Variants in ST6GAL1 observed in about 807,000 individuals in gnomAD.
The protein encoded by ST6GAL1 is ST6 beta-galactoside alpha-2,6-sialyltransferase 1, also known as beta-galactoside alpha-2,6-sialyltransferase 1.
A neutral mutation model predicts 38.0 loss-of-function variants in ST6GAL1; 20 were observed. The observed-to-expected ratio is 0.53, with a 90% CI of 0.37 to 0.77. ST6GAL1 has a LOEUF of 0.77. Ranked by LOEUF, ST6GAL1 falls within the 30% of genes least tolerant of loss-of-function variation. The pLI, the probability that ST6GAL1 is intolerant of heterozygous loss-of-function variation, is 0.00. For missense variants in ST6GAL1, 432 were observed against 496.4 expected (o/e 0.87, Z 1.23); for synonymous variants, 196 against 188.2 (o/e 1.04, Z -0.34).
chr3:187,030,448 T>A (rs1717705480), intron 2 of ST6GAL1, among the ~76,000 whole-genome samples: 1 of 152,150 alleles, frequency 6.6e-6, no homozygotes, highest in South Asian at 2.1e-4. Context: ...TTTATTTTAT[T>A]TTTTAGACAG....
At chr3:186,978,335 G>GC (rs1462180007) in intron 2 of ST6GAL1, among the ~76,000 whole-genome samples, 1 of 152,202 alleles carries the variant, frequency 6.6e-6, no homozygotes, top group Non-Finnish European at 1.5e-5. Flanking sequence ...GGAAGCTCCT[G>GC]CCCCTTTCAG....
intron 2 of ST6GAL1, among the ~76,000 whole-genome samples, chr3:187,028,332 T>G (rs910337965): frequency 6.6e-6 from 1 of 152,316 alleles, no homozygotes; most frequent in Admixed American, 6.5e-5. Context: ...TTGTCTATCG[T>G]GACTTTTTTC....
chr3:187,075,967 C>A lies in ST6GAL1; in HGVS notation c.*164C>A. ...CTTCAAGAGCCTGTGGTCAGGAAAT[C>A]AGGTCCAGCCTTCCCTGTAGCCAGA... On this transcript the variant is annotated 3_prime_UTR_variant, in exon 8 of 8. Coordinates refer to ENST00000169298, the MANE Select transcript of ST6GAL1 (RefSeq NM_173216.2). This position sits in a 1 kb window ranked among gnomAD's most constrained non-coding sequence, Gnocchi z 4.1. 1 of 1,055,456 alleles carries A rather than the reference C, an allele frequency of 9.5e-7. No individual in the cohort carries two copies. 65.4% of individuals were successfully genotyped at this position (1,055,456 alleles called of 1,614,324 possible). A position where few individuals can be genotyped will look rare whatever the true frequency, so the allele number is the denominator to read the frequency against.
At chr3:187,060,970 TG>T (rs1718895666) in intron 5 of ST6GAL1, among the ~76,000 whole-genome samples, 2 of 152,198 alleles carry the variant, frequency 1.3e-5, no homozygotes, top group African/African-American at 2.4e-5. Context: ...GGAAGAAGGA[TG>T]GGTACAGTAC....
At chr3:187,017,761 C>T (rs578026948) in intron 2 of ST6GAL1, among the ~76,000 whole-genome samples, 7 of 152,266 alleles carry the variant, frequency 4.6e-5, no homozygotes, top group South Asian at 4.1e-4. Context: ...ATTGATAACA[C>T]GAAAACCACG....
At chr3:187,004,207 C>T (rs1384093479) in intron 2 of ST6GAL1, among the ~76,000 whole-genome samples, 3 of 152,218 alleles carry the variant, frequency 2.0e-5, no homozygotes, top group African/African-American at 7.2e-5. Flanking sequence ...GAGGCCTCCC[C>T]GGCAAGTGAG....
In ST6GAL1 at chr3:186,995,336, G is replaced by A. The variant is rs191801646; in HGVS notation, c.-183+31410G>A. Among the ~76,000 whole-genome samples the A allele has an allele frequency of 3.2e-3, 488 of 150,522 alleles. 1 individual carries two copies. Among genetic ancestry groups the A allele is most frequent in the Admixed American group, 7.0e-3 (105 of 15,096 alleles). ...ATCCTGGCCAACATGGTGAAGCCCC[G>A]ACTCTACTAAAAATCAAAAATTAGC... On this transcript the variant is annotated intron_variant, in intron 2 of 7. Transcript: ENST00000169298.
At chr3:186,990,723 G>GAATC (rs1716136827) in intron 2 of ST6GAL1, among the ~76,000 whole-genome samples, 1 of 148,848 alleles carries the variant, frequency 6.7e-6, no homozygotes, top group African/African-American at 2.5e-5. Flanking sequence ...GAAAGCAGGA[G>GAATC]AATCGCTTGA....
At chr3:187,064,459 G>A (rs1224102785) in intron 5 of ST6GAL1, 2 of 454,620 alleles carry the variant, frequency 4.4e-6, no homozygotes, top group Non-Finnish European at 8.9e-6. Flanking sequence ...GGGAGGAAGA[G>A]TGTGCTCAGA....
At chr3:186,934,513 G>C (rs566909755) in intron 1 of ST6GAL1, among the ~76,000 whole-genome samples, 2 of 150,064 alleles carry the variant, frequency 1.3e-5, no homozygotes, top group Admixed American at 6.6e-5. Context: ...AGTGAGCCGC[G>C]ATCTCACCAC....
At chr3:187,030,272 A>G (rs1432745232) in intron 2 of ST6GAL1, among the ~76,000 whole-genome samples, 1 of 152,166 alleles carries the variant, frequency 6.6e-6, no homozygotes, top group Non-Finnish European at 1.5e-5. Context: ...TGAGGATGAC[A>G]TGCATTGATG....
intron 1 of ST6GAL1, among the ~76,000 whole-genome samples, chr3:186,932,962 A>G (rs1713811944): frequency 6.6e-6 from 1 of 152,192 alleles, no homozygotes; most frequent in African/African-American, 2.4e-5. Context: ...TGATTCTGGT[A>G]GCAACAGGAG....
At chr3:187,060,524 C>G (rs1321953844) in intron 5 of ST6GAL1, among the ~76,000 whole-genome samples, 5 of 152,102 alleles carry the variant, frequency 3.3e-5, no homozygotes, top group Non-Finnish European at 1.5e-5. Context: ...TGGCTTTCAT[C>G]TGAGCAGAGG....
chr3:187,065,937 C>G (rs1420785682), intron 5 of ST6GAL1, among the ~76,000 whole-genome samples: 2 of 152,320 alleles, frequency 1.3e-5, no homozygotes, highest in Non-Finnish European at 2.9e-5. Flanking sequence ...AAGTTGCTCA[C>G]AGGAGCCCAG....
chr3:186,966,950 T>G (rs1226455856), intron 2 of ST6GAL1, among the ~76,000 whole-genome samples: 1 of 152,234 alleles, frequency 6.6e-6, no homozygotes, highest in Non-Finnish European at 1.5e-5. Flanking sequence ...GAAAGCCTAC[T>G]ATGTGCCCTG....
intron 4 of ST6GAL1, among the ~76,000 whole-genome samples, chr3:187,050,657 ACCT>A (rs1366047875): frequency 1.3e-5 from 2 of 151,598 alleles, no homozygotes; most frequent in Non-Finnish European, 2.9e-5. Context: ...TAGCTCTCTG[ACCT>A]CCTCTTCCAT....
At chr3:186,946,081 G>A (rs558177637) in intron 1 of ST6GAL1, among the ~76,000 whole-genome samples, 18 of 151,966 alleles carry the variant, frequency 1.2e-4, no homozygotes, top group South Asian at 4.2e-4. Context: ...CCAAGCGGGT[G>A]GATCACCTGA....
intron 2 of ST6GAL1, among the ~76,000 whole-genome samples, chr3:187,012,735 G>A (rs989104138): frequency 2.0e-5 from 3 of 152,204 alleles, no homozygotes; most frequent in Non-Finnish European, 4.4e-5. Flanking sequence ...CAGCCTGCCT[G>A]TGATTTCTCT....
Position 187,051,270 on chromosome 3 carries a change from G to A in ST6GAL1, c.629G>A (p.Arg210Lys). ...REIDDHDAVL[R>K]FNGAPTANFQ... Reference sequence around the variant, plus strand: ...ATAGATGATCATGACGCAGTCCTGAGGTTTAATGGGGCACCCACAGCCAAC... The same window carrying A: ...ATAGATGATCATGACGCAGTCCTGAAGTTTAATGGGGCACCCACAGCCAAC... Residue 210 changes from arginine to lysine, a missense_variant, in exon 5 of 8, where the codon AGG (arginine) becomes AAG (lysine). Coordinates refer to ENST00000169298, the MANE Select transcript of ST6GAL1 (RefSeq NM_173216.2). 2 of 1,614,072 alleles carry A rather than the reference G, an allele frequency of 1.2e-6. No homozygotes were observed. The highest frequency in any genetic ancestry group is 1.7e-6 in the Non-Finnish European group (2 of 1,179,998).
Sources: gnomAD v4.1 joint callset for allele counts (sites outside exome capture counted in the v4.1 genomes callset) on GRCh38, gnomAD v4.1.1 for gene constraint, Gnocchi (gnomAD v3.1) non-coding constraint, MANE v1.5 for transcripts, NCBI Gene and HGNC (gene_info 2026-07-23, HGNC 2026-07-21) for gene names.